Variants in TBC1D12 observed in about 807,000 individuals in gnomAD.
TBC1D12 encodes TBC1 domain family member 12.
A neutral mutation model predicts 86.7 loss-of-function variants in TBC1D12; 56 were observed. The ratio of observed to expected loss-of-function variants is 0.65; its 90% CI spans 0.52 to 0.81. The LOEUF (loss-of-function observed/expected upper bound fraction) is 0.81. Ranked by LOEUF, TBC1D12 falls within the 30% of genes least tolerant of loss-of-function variation. The probability of loss-of-function intolerance (pLI) is 0.00; values close to 1 mark genes in which losing one functional copy is unlikely to be tolerated. For missense variants in TBC1D12, 1,023 were observed against 1,038.8 expected (o/e 0.98, Z 0.21); for synonymous variants, 421 against 411.7 (o/e 1.02, Z -0.27).
intron 3 of TBC1D12, among the ~76,000 whole-genome samples, chr10:94,488,817 G>T (rs557276871): frequency 1.3e-5 from 2 of 152,150 alleles, no homozygotes; most frequent in Non-Finnish European, 2.9e-5. Flanking sequence ...GACCTGAGAT[G>T]GGGGCCTCAC....
At chr10:94,420,736 A>G (rs1345482842) in intron 1 of TBC1D12, among the ~76,000 whole-genome samples, 1 of 152,220 alleles carries the variant, frequency 6.6e-6, no homozygotes, top group African/African-American at 2.4e-5. Flanking sequence ...TTGCTTGGAT[A>G]TACCGTTTTG....
At chr10:94,484,346 C>A (rs1330872987) in intron 3 of TBC1D12, among the ~76,000 whole-genome samples, 8 of 150,796 alleles carry the variant, frequency 5.3e-5, no homozygotes, top group Non-Finnish European at 1.2e-4. Context: ...CTCCTGGGTT[C>A]AAGCGATTCT....
chr10:94,476,799 T>TGAGGC (rs1043385401), intron 3 of TBC1D12, among the ~76,000 whole-genome samples: 2 of 152,232 alleles, frequency 1.3e-5, no homozygotes, highest in African/African-American at 4.8e-5. Context: ...TCTGCCTCTT[T>TGAGGC]AGGTTCTACC....
chr10:94,418,554 T>C (rs931077369), intron 1 of TBC1D12, among the ~76,000 whole-genome samples: 8 of 148,230 alleles, frequency 5.4e-5, no homozygotes, highest in African/African-American at 1.5e-4. Flanking sequence ...TATACTTTGG[T>C]CTATTATTAT....
intron 3 of TBC1D12, among the ~76,000 whole-genome samples, chr10:94,491,445 A>C (rs1446924448): frequency 2.0e-5 from 3 of 152,128 alleles, no homozygotes. Flanking sequence ...TTCTTTTTGC[A>C]TTTTTTATAT....
chr10:94,425,804 C>G (rs962845728), intron 1 of TBC1D12, among the ~76,000 whole-genome samples: 3 of 152,148 alleles, frequency 2.0e-5, no homozygotes, highest in African/African-American at 4.8e-5. Flanking sequence ...AGTTCTTCAG[C>G]ACAGTATATC....
chr10:94,489,031 A>G (rs2056210216), intron 3 of TBC1D12, among the ~76,000 whole-genome samples: 1 of 152,092 alleles, frequency 6.6e-6, no homozygotes, highest in Non-Finnish European at 1.5e-5. Context: ...TGTGTCATCT[A>G]CTGCCCCAGT....
At chr10:94,437,821 G>A (rs1023207138) in intron 1 of TBC1D12, among the ~76,000 whole-genome samples, 1 of 151,754 alleles carries the variant, frequency 6.6e-6, no homozygotes, top group Non-Finnish European at 1.5e-5. Flanking sequence ...AGTACATCTG[G>A]TGAATTTTTT....
chr10:94,416,112 G>A (rs1189378659), intron 1 of TBC1D12, among the ~76,000 whole-genome samples: 2 of 151,822 alleles, frequency 1.3e-5, no homozygotes, highest in Admixed American at 1.3e-4. Context: ...ACTATGTAGG[G>A]AAAAAAAATA....
intron 4 of TBC1D12, among the ~76,000 whole-genome samples, chr10:94,494,719 T>G (rs1453339731): frequency 1.3e-5 from 2 of 152,000 alleles, no homozygotes; most frequent in Admixed American, 1.3e-4. Context: ...AATTTTTGTA[T>G]TTTTTTGTGG....
At chr10:94,486,115 T>C (rs545387428) in intron 3 of TBC1D12, among the ~76,000 whole-genome samples, 127 of 150,820 alleles carry the variant, frequency 8.4e-4, no homozygotes, top group African/African-American at 2.9e-3. Context: ...ATTTGTGCTC[T>C]TTTTCTTTTT....
intron 2 of TBC1D12, among the ~76,000 whole-genome samples, chr10:94,473,831 A>G (rs139456033): frequency 2.6e-4 from 40 of 152,320 alleles, no homozygotes; most frequent in African/African-American, 9.4e-4. Flanking sequence ...TTGAATGGAT[A>G]AATTTAAATG....
chr10:94,510,300 C>T, intron 8 of TBC1D12, 121 bp downstream of exon 8: 1 of 605,982 alleles, frequency 1.7e-6, no homozygotes, highest in Non-Finnish European at 2.7e-6. Flanking sequence ...ATTGGGGACC[C>T]TGTATAAAAA....
At chr10:94,418,438 T>G (rs1029456112) in intron 1 of TBC1D12, among the ~76,000 whole-genome samples, 12 of 152,208 alleles carry the variant, frequency 7.9e-5, no homozygotes, top group African/African-American at 2.7e-4. Flanking sequence ...CTTAATGCTA[T>G]TGCTAGTTTT....
chr10:94,507,189 TAA>T (rs2056470073), intron 6 of TBC1D12, 76 bp from the exon 7 acceptor site: 1 of 1,419,290 alleles, frequency 7.0e-7, no homozygotes, highest in Non-Finnish European at 9.7e-7. Flanking sequence ...CTGTAATAGG[TAA>T]AGAGTAAAAA....
rs147676016 is a variant in TBC1D12, at chr10:94,418,555, C to CTATTATTATTAT, written c.971+14987_971+14998dup. Among the ~76,000 whole-genome samples, 327 of 149,602 alleles carry CTATTATTATTAT rather than the reference C, an allele frequency of 2.2e-3. 2 individuals carry two copies. The highest frequency in any genetic ancestry group is 7.6e-3 in the African/African-American group (309 of 40,910). On this transcript the variant is annotated intron_variant, in intron 1 of 12. Transcript: ENST00000225235. The stretch of plus-strand genomic sequence containing the variant: ...CGCCTTCAATCTTTTATACTTTGGT[C>CTATTATTATTAT]TATTATTATTATTATTATTATTATT...
chr10:94,522,163 A>G (rs1168936618), intron 10 of TBC1D12, 80 bp downstream of exon 10: 1 of 1,486,976 alleles, frequency 6.7e-7, no homozygotes, highest in Non-Finnish European at 9.1e-7. Context: ...AGAAGGCCAA[A>G]ACAATCTAAT....
intron 7 of TBC1D12, 92 bp downstream of exon 7, chr10:94,507,439 A>G (rs893149428): frequency 1.8e-6 from 2 of 1,081,556 alleles, no homozygotes; most frequent in South Asian, 1.6e-5. Context: ...TACATATATC[A>G]TCTTATTTAA....
intron 11 of TBC1D12, among the ~76,000 whole-genome samples, chr10:94,530,532 C>T (rs950497555): frequency 1.5e-4 from 23 of 152,158 alleles, no homozygotes; most frequent in Admixed American, 8.5e-4. Context: ...ACATGCCAAA[C>T]GCTGATGTAA....
Sources: allele counts gnomAD v4.1 joint callset (sites outside exome capture counted in the v4.1 genomes callset), GRCh38; gene constraint gnomAD v4.1.1; transcripts MANE v1.5; gene names NCBI Gene and HGNC (gene_info 2026-07-23, HGNC 2026-07-21).